SCAMP1: variants seen among roughly 807,000 people sequenced by gnomAD.
SCAMP1 encodes the protein secretory carrier membrane protein 1, also known as secretory carrier-associated membrane protein 1.
A neutral mutation model predicts 41.8 loss-of-function variants in SCAMP1; 15 were observed. The observed-to-expected ratio is 0.36, with a 90% CI of 0.24 to 0.55. SCAMP1 has a LOEUF of 0.55. Ranked by LOEUF, SCAMP1 falls within the 20% of genes least tolerant of loss-of-function variation. The pLI is 0.86. For missense variants in SCAMP1, 341 were observed against 412.6 expected, an observed-to-expected ratio of 0.83 and a Z score of 1.50; for synonymous variants, 135 against 136.8, an observed-to-expected ratio of 0.99 and a Z score of 0.09.
intron 3 of SCAMP1, among the ~76,000 whole-genome samples, 154 bp from the exon 4 acceptor site, chr5:78,416,387 T>G (rs1394177192): frequency 1.3e-5 from 2 of 152,200 alleles, no homozygotes; most frequent in Non-Finnish European, 2.9e-5. Flanking sequence ...CCTCATAATA[T>G]TTTCTGTAAC....
intron 1 of SCAMP1, among the ~76,000 whole-genome samples, chr5:78,385,467 A>G (rs559291972): frequency 1.4e-4 from 21 of 151,312 alleles, no homozygotes; most frequent in African/African-American, 4.9e-4. Flanking sequence ...GATCTTGGTT[A>G]CTTCTTTTCT....
intron 6 of SCAMP1, among the ~76,000 whole-genome samples, chr5:78,449,599 G>A (rs1320491638): frequency 6.6e-6 from 1 of 152,288 alleles, no homozygotes; most frequent in East Asian, 1.9e-4. Flanking sequence ...GCAATTCATT[G>A]TGTGTTGATT....
At chr5:78,472,845 T>C (rs1031394892) in intron 8 of SCAMP1, among the ~76,000 whole-genome samples, 1 of 152,054 alleles carries the variant, frequency 6.6e-6, no homozygotes, top group East Asian at 1.9e-4. Flanking sequence ...ATAAAGCAAA[T>C]AAGAATTAAC....
At chr5:78,401,491 T>C (rs1048175796) in intron 2 of SCAMP1, among the ~76,000 whole-genome samples, 7 of 152,180 alleles carry the variant, frequency 4.6e-5, no homozygotes, top group African/African-American at 1.4e-4. Flanking sequence ...TTATTACTTA[T>C]TGAGGCAATA....
chr5:78,377,214 C>T (rs1751087200), intron 1 of SCAMP1, among the ~76,000 whole-genome samples: 1 of 152,122 alleles, frequency 6.6e-6, no homozygotes, highest in South Asian at 2.1e-4. Context: ...TATTTATTGG[C>T]TCTGTTTTTG....
At chr5:78,447,685 C>T (rs1255647561) in intron 6 of SCAMP1, among the ~76,000 whole-genome samples, 1 of 152,114 alleles carries the variant, frequency 6.6e-6, no homozygotes, top group African/African-American at 2.4e-5. Flanking sequence ...GCATTCTTGG[C>T]TTTGGCAGAT....
At chr5:78,380,970 G>A (rs1159102366) in intron 1 of SCAMP1, among the ~76,000 whole-genome samples, 1 of 152,196 alleles carries the variant, frequency 6.6e-6, no homozygotes, top group Middle Eastern at 3.2e-3. Flanking sequence ...GGAGACTGAG[G>A]CAGGAGAATC....
At chr5:78,470,755 G>T (rs1753867327) in intron 8 of SCAMP1, among the ~76,000 whole-genome samples, 1 of 152,030 alleles carries the variant, frequency 6.6e-6, no homozygotes, top group Non-Finnish European at 1.5e-5. Context: ...TTTCTGGAAG[G>T]ACTGTATCAT....
At chr5:78,394,396 A>G (rs1434979652) in intron 2 of SCAMP1, among the ~76,000 whole-genome samples, 1 of 151,964 alleles carries the variant, frequency 6.6e-6, no homozygotes, top group Admixed American at 6.6e-5. Flanking sequence ...AAATAATTTT[A>G]TCTTTTTATA....
intron 2 of SCAMP1, among the ~76,000 whole-genome samples, chr5:78,391,430 C>T (rs1351461190): frequency 7.2e-5 from 11 of 151,802 alleles, no homozygotes; most frequent in South Asian, 2.1e-4. Flanking sequence ...ACCTCCCTCC[C>T]GGACAGGGCG....
intron 1 of SCAMP1, among the ~76,000 whole-genome samples, chr5:78,369,307 A>T (rs529539179): frequency 6.6e-6 from 1 of 152,092 alleles, no homozygotes; most frequent in African/African-American, 2.4e-5. Flanking sequence ...GGGTTTCACC[A>T]TGTTGGCCAG....
At chr5:78,378,548 T>G (rs1233984873) in intron 1 of SCAMP1, among the ~76,000 whole-genome samples, 1 of 152,264 alleles carries the variant, frequency 6.6e-6, no homozygotes, top group Non-Finnish European at 1.5e-5. Context: ...TTGTGCTAGA[T>G]GTAAACTTTT....
chr5:78,360,645 G>T lies in SCAMP1; in HGVS notation c.-27G>T, dbSNP rs1017789048. On this transcript the variant is annotated 5_prime_UTR_variant, in exon 1 of 9. Coordinates refer to ENST00000621999, the MANE Select transcript of SCAMP1 (RefSeq NM_004866.6). ...TCGTCTCTCTCTCTGCGCCTGGGTC[G>T]GGTGGGTGACGCCGAGAGCCAGAGA... 1.9e-6 allele frequency: 3 copies of T among 1,599,056 alleles called. No individual in the cohort carries two copies. The African/African-American group carries it at 4.0e-5, about 22-fold the overall frequency.
intron 1 of SCAMP1, among the ~76,000 whole-genome samples, chr5:78,366,920 CAAAAA>C (rs70998000): frequency 1.6e-4 from 18 of 111,532 alleles, no homozygotes; most frequent in African/African-American, 6.4e-4. Context: ...GACCCTGTCT[CAAAAA>C]AAAAAAAAAA....
chr5:78,449,877 C>T, intron 6 of SCAMP1, 56 bp from the exon 7 acceptor site: 3 of 834,012 alleles, frequency 3.6e-6, no homozygotes, highest in Non-Finnish European at 5.7e-6. Context: ...ACGTTTTTCC[C>T]CTTCTTTCTC....
At chr5:78,382,187 AT>A (rs1751219979) in intron 1 of SCAMP1, among the ~76,000 whole-genome samples, 1 of 152,144 alleles carries the variant, frequency 6.6e-6, no homozygotes, top group Non-Finnish European at 1.5e-5. Context: ...GTCTTATTTG[AT>A]TTTGATGCAT....
At chr5:78,438,765 T>C (rs1752834301) in intron 6 of SCAMP1, among the ~76,000 whole-genome samples, 1 of 152,216 alleles carries the variant, frequency 6.6e-6, no homozygotes, top group South Asian at 2.1e-4. Flanking sequence ...GTCCTGGATA[T>C]CCTTGTTAAC....
intron 8 of SCAMP1, 50 bp from the exon 9 acceptor site, chr5:78,475,454 G>T: frequency 7.3e-7 from 1 of 1,375,856 alleles, no homozygotes; most frequent in South Asian, 1.6e-5. Context: ...TGCTGGAAAT[G>T]AATGCGTAGG....
chr5:78,361,030 CCT>C (rs754291764), intron 1 of SCAMP1: 13 of 337,868 alleles, frequency 3.8e-5, no homozygotes, highest in Non-Finnish European at 7.1e-5. Context: ...TCCTGGCCCG[CCT>C]CTCAGGAGAG....
Sources: allele counts gnomAD v4.1 joint callset (sites outside exome capture counted in the v4.1 genomes callset), GRCh38; gene constraint gnomAD v4.1.1; transcripts MANE v1.5; gene names NCBI Gene and HGNC (gene_info 2026-07-23, HGNC 2026-07-21).